The following PALLD variants were observed in gnomAD, a reference collection of about 807,000 sequenced individuals.
PALLD encodes the protein palladin, cytoskeletal associated protein.
A neutral mutation model predicts 123.5 loss-of-function variants in PALLD; 61 were observed. The ratio of observed to expected loss-of-function variants is 0.49; its 90% CI spans 0.40 to 0.61. PALLD has a LOEUF of 0.61. Among genes scored for constraint, PALLD ranks in the 20% least tolerant of loss-of-function variants. The pLI is 0.00. For synonymous variants in PALLD, 465 were observed against 496.4 expected (o/e 0.94, Z 0.84); for missense variants, 1,273 against 1,377.0 (o/e 0.92, Z 1.20).
chr4:168,637,141 C>A (rs902758173), intron 2 of PALLD, among the ~76,000 whole-genome samples: 1 of 152,096 alleles, frequency 6.6e-6, no homozygotes, highest in Admixed American at 6.5e-5. Flanking sequence ...ACGGCAGAAT[C>A]CTGCTCATTC....
chr4:168,868,774 C>A (rs1267045591), intron 10 of PALLD, among the ~76,000 whole-genome samples: 1 of 152,158 alleles, frequency 6.6e-6, no homozygotes, highest in Non-Finnish European at 1.5e-5. Flanking sequence ...GTATAGGGAC[C>A]AACTTTGTTA....
chr4:168,675,802 T>C (rs930912999), intron 3 of PALLD, among the ~76,000 whole-genome samples: 1 of 152,204 alleles, frequency 6.6e-6, no homozygotes, highest in East Asian at 1.9e-4. Flanking sequence ...ATGCCTATAA[T>C]CCCAGCACTT....
intron 8 of PALLD, among the ~76,000 whole-genome samples, chr4:168,702,485 C>T (rs1024483175): frequency 9.2e-5 from 14 of 152,090 alleles, no homozygotes; most frequent in Non-Finnish European, 1.8e-4. Context: ...ATCTGGAAGG[C>T]GGAGGTTGCA....
At chr4:168,673,901 T>C (rs1381694391) in intron 3 of PALLD, among the ~76,000 whole-genome samples, 2 of 151,582 alleles carry the variant, frequency 1.3e-5, no homozygotes, top group African/African-American at 2.4e-5. Flanking sequence ...TGTGTGTGTG[T>C]GTGTGTGTGT....
intron 10 of PALLD, among the ~76,000 whole-genome samples, chr4:168,716,019 G>A (rs891028107): frequency 6.6e-6 from 1 of 152,086 alleles, no homozygotes; most frequent in Admixed American, 6.5e-5. Context: ...AGGGAAACCT[G>A]TGAATGGCAA....
intron 3 of PALLD, among the ~76,000 whole-genome samples, chr4:168,680,069 C>T (rs920173388): frequency 2.0e-5 from 3 of 152,064 alleles, no homozygotes; most frequent in Non-Finnish European, 2.9e-5. Context: ...ATGCAGTGAA[C>T]GTATGTATTC....
At chr4:168,609,590 G>T (rs1773535837) in intron 2 of PALLD, among the ~76,000 whole-genome samples, 1 of 152,158 alleles carries the variant, frequency 6.6e-6, no homozygotes, top group Non-Finnish European at 1.5e-5. Context: ...TCATGCGGGG[G>T]TATCAGAGTG....
chr4:168,835,110 T>C (rs1327349242), intron 10 of PALLD, among the ~76,000 whole-genome samples: 2 of 152,222 alleles, frequency 1.3e-5, no homozygotes, highest in Non-Finnish European at 2.9e-5. Context: ...TTCACAATCA[T>C]TGGGAACTAT....
chr4:168,789,076 T>C (rs1020789146), intron 10 of PALLD, among the ~76,000 whole-genome samples: 3 of 152,224 alleles, frequency 2.0e-5, no homozygotes, highest in African/African-American at 4.8e-5. Context: ...TATAATTTAG[T>C]TTTCCTGGTT....
intron 10 of PALLD, among the ~76,000 whole-genome samples, chr4:168,777,109 C>A (rs1735268825): frequency 1.3e-5 from 2 of 152,026 alleles, no homozygotes. Context: ...CATATACACA[C>A]ACACACACAC....
chr4:168,532,554 T>G (rs548008755), intron 2 of PALLD, among the ~76,000 whole-genome samples: 14 of 152,218 alleles, frequency 9.2e-5, no homozygotes, highest in African/African-American at 3.1e-4. Flanking sequence ...AAAAATAATA[T>G]TATATTGCTT....
At chr4:168,551,692 A>G (rs1267448830) in intron 2 of PALLD, among the ~76,000 whole-genome samples, 1 of 152,012 alleles carries the variant, frequency 6.6e-6, no homozygotes, top group Non-Finnish European at 1.5e-5. Flanking sequence ...TTTAAATTAA[A>G]AAAAAAACAA....
intron 2 of PALLD, among the ~76,000 whole-genome samples, chr4:168,665,387 C>T (rs1045167561): frequency 1.3e-5 from 2 of 152,144 alleles, no homozygotes; most frequent in African/African-American, 4.8e-5. Flanking sequence ...TTTTAATTTT[C>T]AGTGTCTCTG....
intron 10 of PALLD, among the ~76,000 whole-genome samples, chr4:168,768,359 G>A (rs1733958803): frequency 6.6e-6 from 1 of 152,136 alleles, no homozygotes; most frequent in Non-Finnish European, 1.5e-5. Flanking sequence ...GCTCTTCTTT[G>A]AATGTTCACA....
At chr4:168,637,465 A>G (rs1229634138) in intron 2 of PALLD, among the ~76,000 whole-genome samples, 1 of 151,404 alleles carries the variant, frequency 6.6e-6, no homozygotes, top group Non-Finnish European at 1.5e-5. Context: ...TGTTCTTCCT[A>G]TGTCACTCCC....
chr4:168,632,953 G>C (rs1775979918), intron 2 of PALLD, among the ~76,000 whole-genome samples: 1 of 152,192 alleles, frequency 6.6e-6, no homozygotes, highest in African/African-American at 2.4e-5. Flanking sequence ...GGAATGTTAG[G>C]AGAGGGGCAG....
chr4:168,520,347 A>AAAAAGAGAGAGAG, intron 2 of PALLD, among the ~76,000 whole-genome samples: 1 of 83,994 alleles, frequency 1.2e-5, no homozygotes, highest in Non-Finnish European at 2.2e-5. Flanking sequence ...AAAAAAAAAA[A>AAAAAGAGAGAGAG]AGAGAGAGAG....
At chr4:168,752,360 C>T (rs1040452507) in intron 10 of PALLD, among the ~76,000 whole-genome samples, 3 of 152,270 alleles carry the variant, frequency 2.0e-5, no homozygotes, top group South Asian at 2.1e-4. Context: ...AGGGAGACCC[C>T]GCCTAAAAAA....
intron 2 of PALLD, among the ~76,000 whole-genome samples, chr4:168,566,007 C>G (rs150598867): frequency 2.0e-4 from 30 of 151,840 alleles, no homozygotes; most frequent in African/African-American, 7.0e-4. Flanking sequence ...TTTGACCTGT[C>G]CTGTGACTGA....
Sources: allele counts gnomAD v4.1 joint callset (sites outside exome capture counted in the v4.1 genomes callset), GRCh38; gene constraint gnomAD v4.1.1; transcripts MANE v1.5; gene names NCBI Gene and HGNC (gene_info 2026-07-23, HGNC 2026-07-21).